Variants in CACNA2D1 observed in about 807,000 individuals in gnomAD.
The protein encoded by CACNA2D1 is voltage-dependent calcium channel subunit alpha-2/delta-1.
In CACNA2D1, 53 loss-of-function variants were observed where a neutral mutation model predicts 171.5. The ratio of observed to expected loss-of-function variants is 0.31; its 90% CI spans 0.25 to 0.39. The LOEUF is 0.39. CACNA2D1 is among the 10% of genes least tolerant of loss of function. The pLI, the probability that CACNA2D1 is intolerant of heterozygous loss-of-function variation, is 1.00. For synonymous variants in CACNA2D1, 442 were observed against 443.1 expected (o/e 1.00, Z 0.03); for missense variants, 903 against 1,299.8 (o/e 0.69, Z 4.69).
chr7:81,967,730 G>A, intron 29 of CACNA2D1, 67 bp from the exon 30 acceptor site: 1 of 756,060 alleles, frequency 1.3e-6, no homozygotes, highest in South Asian at 1.6e-5. Context: ...CAATATGACA[G>A]TTATTTTGAT....
chr7:82,226,687 G>A (rs1347124577), intron 3 of CACNA2D1, among the ~76,000 whole-genome samples: 2 of 152,142 alleles, frequency 1.3e-5, no homozygotes, highest in Non-Finnish European at 2.9e-5. Context: ...TATCCTATAG[G>A]AAGAAGAAAT....
intron 1 of CACNA2D1, among the ~76,000 whole-genome samples, chr7:82,354,191 T>C (rs1585623158): frequency 6.6e-6 from 1 of 152,188 alleles, no homozygotes; most frequent in Non-Finnish European, 1.5e-5. Context: ...TAGTTTTCCA[T>C]AGGTCTTTGG....
chr7:82,089,040 G>A (rs944549113), intron 6 of CACNA2D1, among the ~76,000 whole-genome samples: 1 of 152,142 alleles, frequency 6.6e-6, no homozygotes, highest in Admixed American at 6.5e-5. Context: ...CTCCTGCTGC[G>A]TGGCCCGGTT....
At chr7:82,078,595 A>C (rs1809299352) in intron 7 of CACNA2D1, among the ~76,000 whole-genome samples, 1 of 152,166 alleles carries the variant, frequency 6.6e-6, no homozygotes, top group Admixed American at 6.5e-5. Flanking sequence ...ATGAGTTCCT[A>C]ATCATATCTA....
intron 1 of CACNA2D1, among the ~76,000 whole-genome samples, chr7:82,386,782 A>AT (rs2129450066): frequency 6.6e-6 from 1 of 151,014 alleles, no homozygotes; most frequent in South Asian, 2.1e-4. Flanking sequence ...AAATAAATAA[A>AT]ATAACTAATA....
At chr7:82,443,332 G>T (rs745443207) in intron 1 of CACNA2D1, 33 bp downstream of exon 1, 1 of 1,568,036 alleles carries the variant, frequency 6.4e-7, no homozygotes, top group South Asian at 1.2e-5. Context: ...GGCGCCCCTC[G>T]GCCGGCGCTC....
chr7:81,984,650 T>C lies in CACNA2D1; in HGVS notation c.1858A>G (p.Ile620Val), dbSNP rs1330834749. 4.5e-6 allele frequency: 7 copies of C among 1,567,736 alleles called. No homozygotes were observed. Among genetic ancestry groups the C allele is most frequent in the South Asian group, 1.2e-5 (1 of 86,666 alleles). Reference protein sequence around the residue: ...YYIKAKLEETITQARSKKGKM... With the variant: ...YYIKAKLEETVTQARSKKGKM... ...CAGTACTTACATCTGGCCTGAGTTATTGTCTCTTCTAGTTTGGCTTTTATA... is the reference window on the plus strand; with the variant it reads ...CAGTACTTACATCTGGCCTGAGTTACTGTCTCTTCTAGTTTGGCTTTTATA... Residue 620 changes from isoleucine (I) to valine (V), a missense_variant, in exon 22 of 39, where the codon ATA (isoleucine) becomes GTA (valine). Ile to Val is a conservative substitution (Grantham distance 29). This residue lies in a region of CACNA2D1 where 623 missense variants were observed against 925.5 expected (regional missense o/e 0.67). Coordinates refer to ENST00000356860, the MANE Select transcript of CACNA2D1 (RefSeq NM_000722.4).
chr7:82,126,734 C>T (rs1234432165), intron 5 of CACNA2D1, among the ~76,000 whole-genome samples: 2 of 152,170 alleles, frequency 1.3e-5, no homozygotes, highest in Non-Finnish European at 2.9e-5. Context: ...GACAATGAGA[C>T]ACCAGACCCT....
Position 82,359,682 on chromosome 7 carries a change from AG to A in CACNA2D1, c.96-10034del, listed in dbSNP as rs372055385. Among the ~76,000 whole-genome samples the A allele has an allele frequency of 4.6e-3, 702 of 152,184 alleles. 3 individuals are homozygous for A. Among genetic ancestry groups the A allele is most frequent in the African/African-American group, 0.016 (680 of 41,522 alleles). ...CTATCATAATTTTTTCTTTTCTCTG[AG>A]TATCTAAAATATGTACAGCCTGTCC... On this transcript the variant is annotated intron_variant, in intron 1 of 38. Coordinates refer to ENST00000356860, the MANE Select transcript of CACNA2D1 (RefSeq NM_000722.4).
intron 10 of CACNA2D1, among the ~76,000 whole-genome samples, chr7:82,057,723 A>G (rs6943099): frequency 0.99 from 150,106 of 152,190 alleles, 74,051 homozygotes; most frequent in Non-Finnish European, 1. Flanking sequence ...AGAAACCACC[A>G]TTTGAATGGG....
chr7:81,958,253 TTTATATTATC>T (rs1793672653), intron 38 of CACNA2D1, among the ~76,000 whole-genome samples: 1 of 152,098 alleles, frequency 6.6e-6, no homozygotes, highest in African/African-American at 2.4e-5. Flanking sequence ...CTATTTTTAA[TTTATATTATC>T]TAATTGCATA....
At chr7:82,055,817 G>A (rs1307727505) in intron 10 of CACNA2D1, among the ~76,000 whole-genome samples, 1 of 145,596 alleles carries the variant, frequency 6.9e-6, no homozygotes, top group Non-Finnish European at 1.5e-5. Context: ...AATGCTAAAT[G>A]ACGAGTTAAT....
Position 81,964,198 on chromosome 7 carries a change from A to G in CACNA2D1, c.2727+9T>C, listed in dbSNP as rs199542348. The G allele has an allele frequency of 1.2e-5, 19 of 1,612,834 alleles. No homozygotes were observed. The African/African-American group carries it at 2.5e-4, about 22-fold the overall frequency. On this transcript the variant is annotated intron_variant, in intron 33 of 38. Transcript: ENST00000356860. The stretch of plus-strand genomic sequence containing the variant: ...CTTGAGAATTGATTAGACCGTGGAT[A>G]TTACTGACCACATATGCTGAGCGAT...
chr7:81,971,981 A>G (rs1795328728), intron 25 of CACNA2D1, 117 bp from the exon 26 acceptor site: 1 of 689,978 alleles, frequency 1.4e-6, no homozygotes, highest in East Asian at 2.8e-5. Flanking sequence ...GAATTTTAAA[A>G]TATATTCCAC....
chr7:82,090,713 C>T (rs1811053536), intron 6 of CACNA2D1, among the ~76,000 whole-genome samples: 1 of 152,014 alleles, frequency 6.6e-6, no homozygotes, highest in African/African-American at 2.4e-5. Context: ...ATTCCTTAAA[C>T]AAGCAAGCAA....
intron 3 of CACNA2D1, among the ~76,000 whole-genome samples, chr7:82,273,028 C>T (rs532913599): frequency 2.1e-4 from 32 of 152,176 alleles, no homozygotes; most frequent in Non-Finnish European, 4.0e-4. Context: ...ACTAATACTA[C>T]TAACTAATAA....
intron 3 of CACNA2D1, among the ~76,000 whole-genome samples, chr7:82,258,811 A>AC (rs1806636796): frequency 1.5e-5 from 1 of 68,796 alleles, no homozygotes; most frequent in African/African-American, 6.3e-5. Context: ...TTTCTTTCTT[A>AC]CTTTTCTTTT....
intron 21 of CACNA2D1, among the ~76,000 whole-genome samples, chr7:81,990,335 G>A (rs1797415957): frequency 6.6e-6 from 1 of 151,986 alleles, no homozygotes; most frequent in African/African-American, 2.4e-5. Context: ...TTCTTTTAAA[G>A]TTTATTTTAT....
chr7:82,310,542 A>C (rs915545144), intron 3 of CACNA2D1, among the ~76,000 whole-genome samples: 2 of 152,052 alleles, frequency 1.3e-5, no homozygotes, highest in African/African-American at 4.8e-5. Context: ...TCAAAAACAC[A>C]TATTAATGCA....
Sources: allele counts gnomAD v4.1 joint callset (sites outside exome capture counted in the v4.1 genomes callset), GRCh38; gene constraint gnomAD v4.1.1; regional missense constraint gnomAD v4.1.1; transcripts MANE v1.5; gene names NCBI Gene and HGNC (gene_info 2026-07-23, HGNC 2026-07-21).